The following SPATA18 variants were observed in gnomAD, a reference collection of about 807,000 sequenced individuals.
SPATA18 encodes the protein spermatogenesis associated 18.
A neutral mutation model predicts 68.1 loss-of-function variants in SPATA18; 54 were observed. The ratio of observed to expected loss-of-function variants is 0.79; its 90% confidence interval spans 0.64 to 0.99. The LOEUF (loss-of-function observed/expected upper bound fraction) is 0.99. SPATA18 is among the 50% of genes least tolerant of loss of function. The probability of loss-of-function intolerance (pLI) is 0.00; values close to 1 mark genes in which losing one functional copy is unlikely to be tolerated. For missense variants in SPATA18, 724 were observed against 681.1 expected (o/e 1.06, Z -0.70); for synonymous variants, 242 against 244.8 (o/e 0.99, Z 0.11).
intron 1 of SPATA18, among the ~76,000 whole-genome samples, chr4:52,052,558 C>G (rs1299826707): frequency 6.6e-6 from 1 of 152,194 alleles, no homozygotes; most frequent in African/African-American, 2.4e-5. Context: ...GGGATTTCCC[C>G]TCTTACATAA....
intron 7 of SPATA18, 22 bp from the exon 8 acceptor site, chr4:52,078,713 T>A: frequency 4.0e-6 from 6 of 1,503,568 alleles, no homozygotes; most frequent in Non-Finnish European, 4.5e-6. Context: ...ACCAAATAAA[T>A]TTGCTGCATT....
chr4:52,072,434 G>A (rs1409573630), intron 6 of SPATA18, among the ~76,000 whole-genome samples: 1 of 151,746 alleles, frequency 6.6e-6, no homozygotes, highest in African/African-American at 2.4e-5. Flanking sequence ...ACAGAGTCCC[G>A]CTCTGTCACC....
At chr4:52,084,249 C>T (rs1741221565) in intron 10 of SPATA18, among the ~76,000 whole-genome samples, 1 of 152,070 alleles carries the variant, frequency 6.6e-6, no homozygotes, top group African/African-American at 2.4e-5. Context: ...ATCAAATAGC[C>T]ATTGCCTTTT....
chr4:52,090,257 A>G (rs1578204377), intron 11 of SPATA18, among the ~76,000 whole-genome samples: 1 of 152,256 alleles, frequency 6.6e-6, no homozygotes, highest in East Asian at 1.9e-4. Context: ...GTGTCTTTTA[A>G]TTGGGGCATT....
At position 52,051,574 on chromosome 4, in the gene SPATA18, A is replaced by T. The variant is rs1346104686; in HGVS notation, c.-131A>T. 2.3e-6 allele frequency: 2 copies of T among 871,638 alleles called. No individual in the cohort carries two copies. The highest frequency in any genetic ancestry group is 3.7e-6 in the Non-Finnish European group (2 of 534,284). The allele number at this position is 871,638 out of a possible 1,614,324, so 54.0% of individuals were successfully genotyped here. A position where few individuals can be genotyped will look rare whatever the true frequency, so the allele number is the denominator to read the frequency against. On this transcript the variant is annotated 5_prime_UTR_variant, in exon 1 of 13. Coordinates refer to ENST00000295213, the MANE Select transcript of SPATA18 (RefSeq NM_145263.4). ...CCGACCCGAGGGGGAGGATGGAAAC[A>T]CCTGCCGCGCTCTGAGCCCCCCAGA...
chr4:52,095,049 A>G lies in SPATA18; in HGVS notation c.*162A>G, dbSNP rs1742315275. On this transcript the variant is annotated 3_prime_UTR_variant, in exon 13 of 13. Coordinates refer to ENST00000295213, the MANE Select transcript of SPATA18 (RefSeq NM_145263.4). ...AGAGTTAAATGTTTTGGCTTGGCGC[A>G]TTTGTAACTTTAGATATATTGCATT... 1 of 769,934 alleles carries G rather than the reference A, an allele frequency of 1.3e-6. No individual in the cohort carries two copies. The highest frequency in any genetic ancestry group is 2.2e-6 in the Non-Finnish European group (1 of 457,942). The allele number at this position is 769,934 out of a possible 1,614,324, so 47.7% of individuals were successfully genotyped here. A position where few individuals can be genotyped will look rare whatever the true frequency, so the allele number is the denominator to read the frequency against.
At chr4:52,065,432 T>C (rs1328746301) in intron 4 of SPATA18, among the ~76,000 whole-genome samples, 1 of 152,190 alleles carries the variant, frequency 6.6e-6, no homozygotes, top group Non-Finnish European at 1.5e-5. Flanking sequence ...AGCTCTTAGA[T>C]ATAAGTCTTT....
At chr4:52,069,937 T>C (rs768710457) in intron 5 of SPATA18, 21 bp downstream of exon 5, 3 of 1,552,492 alleles carry the variant, frequency 1.9e-6, no homozygotes, top group Non-Finnish European at 1.8e-6. Context: ...AATTACAGGA[T>C]TATTGCAGCC....
At chr4:52,084,736 T>A (rs1451870179) in intron 10 of SPATA18, among the ~76,000 whole-genome samples, 180 bp from the exon 11 acceptor site, 1 of 152,232 alleles carries the variant, frequency 6.6e-6, no homozygotes, top group Non-Finnish European at 1.5e-5. Context: ...CTGAAGTTAC[T>A]GCCAAATATT....
chr4:52,070,603 G>A (rs545988003), intron 5 of SPATA18, among the ~76,000 whole-genome samples: 3 of 151,954 alleles, frequency 2.0e-5, no homozygotes, highest in Non-Finnish European at 4.4e-5. Context: ...GTTAATGGGT[G>A]CAGCACACCA....
chr4:52,062,810 G>GT (rs1738991836), intron 4 of SPATA18, among the ~76,000 whole-genome samples: 1 of 152,212 alleles, frequency 6.6e-6, no homozygotes, highest in Non-Finnish European at 1.5e-5. Context: ...ATTTAGGGGT[G>GT]TATGTGTGCT....
At chr4:52,072,259 A>C in intron 6 of SPATA18, 103 bp downstream of exon 6, 1 of 1,502,254 alleles carries the variant, frequency 6.7e-7, no homozygotes, top group South Asian at 1.4e-5. Context: ...ACCCTGAACC[A>C]AAACCTCAGC....
At chr4:52,078,518 C>T (rs1327032890) in intron 7 of SPATA18, 2 of 395,848 alleles carry the variant, frequency 5.1e-6, no homozygotes, top group African/African-American at 2.0e-5. Context: ...TAATAGTCAA[C>T]TGTCTTGATG....
intron 1 of SPATA18, among the ~76,000 whole-genome samples, chr4:52,059,650 C>G (rs1201013744): frequency 6.6e-6 from 1 of 152,214 alleles, no homozygotes; most frequent in African/African-American, 2.4e-5. Context: ...TTGGGTAGAG[C>G]TTGCGCTCAT....
chr4:52,063,514 A>G (rs1235373303), intron 4 of SPATA18, among the ~76,000 whole-genome samples: 1 of 152,210 alleles, frequency 6.6e-6, no homozygotes, highest in Non-Finnish European at 1.5e-5. Flanking sequence ...CATAAAATAT[A>G]TAATTTATTT....
chr4:52,074,243 G>T (rs1740115491), intron 6 of SPATA18, among the ~76,000 whole-genome samples: 1 of 152,190 alleles, frequency 6.6e-6, no homozygotes. Context: ...TATGAAGATA[G>T]AATAAAGCCA....
Position 52,077,119 on chromosome 4 carries a change from A to G in SPATA18, c.1020+79A>G. 2.1e-6 allele frequency: 3 copies of G among 1,458,044 alleles called. No homozygotes were observed. The South Asian group carries it at 4.2e-5, about 20-fold the overall frequency. The allele number at this position is 1,458,044 out of a possible 1,614,324, so 90.3% of individuals were successfully genotyped here. A position where few individuals can be genotyped will look rare whatever the true frequency, so the allele number is the denominator to read the frequency against. Reference sequence around the variant, plus strand: ...CTGTAACGTGAATGGAACAACTTACAAAGACTAGTGGATCCTGAGGTCACT... The same window carrying G: ...CTGTAACGTGAATGGAACAACTTACGAAGACTAGTGGATCCTGAGGTCACT... On this transcript the variant is annotated intron_variant, in intron 7 of 12. Coordinates refer to ENST00000295213, the MANE Select transcript of SPATA18 (RefSeq NM_145263.4).
Position 52,096,271 on chromosome 4 carries a change from A to G in SPATA18, c.*1384A>G, listed in dbSNP as rs1005540752. On this transcript the variant is annotated 3_prime_UTR_variant, in exon 13 of 13. Transcript: ENST00000295213. ...AATGCAGTGTGCTGGAAGGAGCACTATCTGCCTAGGTAACTGCTAGTCATG... is the reference window on the plus strand; with the variant it reads ...AATGCAGTGTGCTGGAAGGAGCACTGTCTGCCTAGGTAACTGCTAGTCATG... 1 of 152,106 alleles carries G rather than the reference A, an allele frequency of 6.6e-6. No individual in the cohort carries two copies. The highest frequency in any genetic ancestry group is 2.4e-5 in the African/African-American group (1 of 41,424). 9.4% of individuals were successfully genotyped at this position (152,106 alleles called of 1,614,324 possible). A position where few individuals can be genotyped will look rare whatever the true frequency, so the allele number is the denominator to read the frequency against.
At chr4:52,084,024 C>A (rs1361761930) in intron 10 of SPATA18, among the ~76,000 whole-genome samples, 1 of 146,868 alleles carries the variant, frequency 6.8e-6, no homozygotes, top group African/African-American at 2.5e-5. Flanking sequence ...CAGGCATGAA[C>A]CACCACACCC....
Sources: gnomAD v4.1 joint callset for allele counts (sites outside exome capture counted in the v4.1 genomes callset) on GRCh38, gnomAD v4.1.1 for gene constraint, MANE v1.5 for transcripts, NCBI Gene and HGNC (gene_info 2026-07-23, HGNC 2026-07-21) for gene names.